The following TANGO6 variants were observed in gnomAD, a reference collection of about 807,000 sequenced individuals.
TANGO6 encodes transport and Golgi organization protein 6 homolog.
Under a neutral mutation model 114.2 loss-of-function variants are expected in TANGO6, and 90 were observed. That is an observed-to-expected ratio of 0.79 (90% CI 0.66 to 0.94). The LOEUF (loss-of-function observed/expected upper bound fraction) is 0.94, where lower values mean the gene tolerates loss of function less well. TANGO6 is among the 40% of genes least tolerant of loss of function. The pLI is 0.00. For missense variants in TANGO6, 1,274 were observed against 1,315.3 expected (o/e 0.97, Z 0.49); for synonymous variants, 477 against 509.8 (o/e 0.94, Z 0.87).
intron 17 of TANGO6, among the ~76,000 whole-genome samples, chr16:69,074,831 TG>T (rs1194261751): frequency 2.0e-5 from 3 of 150,704 alleles, no homozygotes; most frequent in Non-Finnish European, 4.4e-5. Context: ...TGTGTGTGTG[TG>T]TGTGTGTATA....
chr16:68,867,966 ACT>A (rs1962206118), intron 4 of TANGO6: 2 of 141,024 alleles, frequency 1.4e-5, no homozygotes, highest in Non-Finnish European at 3.0e-5. Context: ...ACATAGCAAG[ACT>A]CTGTTTCTAC....
intron 16 of TANGO6, among the ~76,000 whole-genome samples, chr16:69,025,646 C>T (rs1202560702): frequency 1.3e-5 from 2 of 152,152 alleles, no homozygotes; most frequent in African/African-American, 2.4e-5. Flanking sequence ...GCTTAGCTTT[C>T]GGGCTTTAAA....
chr16:69,022,441 C>T (rs1397694098), intron 15 of TANGO6, among the ~76,000 whole-genome samples: 1 of 152,138 alleles, frequency 6.6e-6, no homozygotes, highest in Non-Finnish European at 1.5e-5. Context: ...CGGTGACTCA[C>T]TCCTGTAATC....
intron 17 of TANGO6, among the ~76,000 whole-genome samples, chr16:69,072,149 G>T (rs1187960304): frequency 6.6e-6 from 1 of 151,324 alleles, no homozygotes; most frequent in Non-Finnish European, 1.5e-5. Flanking sequence ...GTGTGTGTGT[G>T]TGTGTCACAT....
intron 15 of TANGO6, among the ~76,000 whole-genome samples, 197 bp from the exon 16 acceptor site, chr16:69,022,631 G>A (rs568295555): frequency 8.5e-5 from 13 of 152,106 alleles, no homozygotes; most frequent in Middle Eastern, 3.4e-3. Flanking sequence ...CAGAGCCTGG[G>A]AGGTCAAGGC....
rs1962072202 is a variant in TANGO6 at position 68,860,314 on chromosome 16, T to A, written c.525T>A (p.Phe175Leu). The A allele has an allele frequency of 1.2e-6, 2 of 1,613,906 alleles. No homozygotes were observed. Among genetic ancestry groups the A allele is most frequent in the African/African-American group, 2.7e-5 (2 of 74,938 alleles). Residue 175 changes from phenylalanine (F) to leucine (L), a missense_variant, in exon 2 of 18, where the codon TTT becomes TTA. By Grantham distance (22) the Phe-to-Leu change is conservative. This residue lies in a region of TANGO6 where 908 missense variants were observed against 910.2 expected (regional missense o/e 1.00). Transcript: ENST00000261778. ...VGVPLRYRTE[F>L]GAVVQDVVCF... ...TCCCTTTGAGATATAGAACTGAATT[T>A]GGTGCCGTCGTTCAAGACGTGGTGT...
At chr16:68,929,050 C>T (rs1327993360) in intron 13 of TANGO6, among the ~76,000 whole-genome samples, 1 of 152,150 alleles carries the variant, frequency 6.6e-6, no homozygotes, top group Non-Finnish European at 1.5e-5. Flanking sequence ...TCCCAAGTAG[C>T]TGGGATTACA....
chr16:69,069,679 A>G (rs950612592), intron 17 of TANGO6, among the ~76,000 whole-genome samples: 2 of 151,978 alleles, frequency 1.3e-5, no homozygotes, highest in Admixed American at 6.6e-5. Context: ...TTATTTCTCA[A>G]CCACAAAGGG....
rs1179628552 is a variant in TANGO6, at chr16:69,063,808, CTTA to C, written c.3109-19642_3109-19640del. Reference sequence around the variant, plus strand: ...TCTTCTTCTTCTTCTTCTTCTTCTTCTTATTATTATTATTATTATTATTATTAT... The same window carrying C: ...TCTTCTTCTTCTTCTTCTTCTTCTTCTTATTATTATTATTATTATTATTAT... On this transcript the variant is annotated intron_variant, in intron 17 of 17. Coordinates refer to ENST00000261778, the MANE Select transcript of TANGO6 (RefSeq NM_024562.2). 8.2e-3 allele frequency among the ~76,000 whole-genome samples: 1,029 copies of C among 125,462 alleles called. 5 individuals carry two copies. The highest frequency in any genetic ancestry group is 0.019 in the East Asian group (82 of 4,422). 82.3% of individuals were successfully genotyped at this position (125,462 alleles called of 152,430 possible).
chr16:69,017,690 G>C (rs1435793503), intron 15 of TANGO6, among the ~76,000 whole-genome samples: 1 of 152,034 alleles, frequency 6.6e-6, no homozygotes, highest in Non-Finnish European at 1.5e-5. Context: ...AGGTCATCTT[G>C]TCTCACTGGC....
intron 15 of TANGO6, among the ~76,000 whole-genome samples, chr16:68,991,099 T>G (rs1380453073): frequency 2.0e-5 from 3 of 152,170 alleles, no homozygotes; most frequent in Non-Finnish European, 1.5e-5. Flanking sequence ...AATGAAGAAC[T>G]GAGACTTAAC....
At chr16:68,927,173 C>T (rs1334996444) in intron 12 of TANGO6, among the ~76,000 whole-genome samples, 1 of 152,092 alleles carries the variant, frequency 6.6e-6, no homozygotes, top group East Asian at 1.9e-4. Context: ...AGGGAGACTG[C>T]GTAGGGTATT....
chr16:68,915,314 T>G (rs1382274458), intron 11 of TANGO6, among the ~76,000 whole-genome samples: 1 of 152,168 alleles, frequency 6.6e-6, no homozygotes, highest in Non-Finnish European at 1.5e-5. Flanking sequence ...TTGCCCAGGC[T>G]GGAGTGCAAT....
At position 68,894,656 on chromosome 16, in the gene TANGO6, T is replaced by C. The variant is rs16958450; in HGVS notation, c.1378-5778T>C. 4.8e-3 allele frequency among the ~76,000 whole-genome samples: 734 copies of C among 152,152 alleles called. 6 individuals carry two copies. Among genetic ancestry groups the C allele is most frequent in the African/African-American group, 0.017 (703 of 41,520 alleles). On this transcript the variant is annotated intron_variant, in intron 7 of 17. Coordinates refer to ENST00000261778, the MANE Select transcript of TANGO6 (RefSeq NM_024562.2). ...AGGAACTGAAGCAATGAAAATCTCA[T>C]TATGCACAGGGGAAGGAGGTAAGTA... is the stretch of plus-strand genomic sequence containing the variant.
chr16:69,059,279 C>G (rs1960080565), intron 17 of TANGO6, among the ~76,000 whole-genome samples: 1 of 151,916 alleles, frequency 6.6e-6, no homozygotes, highest in South Asian at 2.1e-4. Flanking sequence ...ACCATATTGG[C>G]CAGGCTGGTC....
intron 15 of TANGO6, among the ~76,000 whole-genome samples, chr16:68,981,928 C>T (rs968842489): frequency 6.6e-6 from 1 of 152,196 alleles, no homozygotes; most frequent in Middle Eastern, 3.2e-3. Flanking sequence ...GCATTTCTGT[C>T]CCAAGTGTTT....
At chr16:68,966,225 T>TA (rs1195782930) in intron 14 of TANGO6, among the ~76,000 whole-genome samples, 5 of 146,258 alleles carry the variant, frequency 3.4e-5, no homozygotes, top group Non-Finnish European at 4.5e-5. Flanking sequence ...GACTCTGTCT[T>TA]AAAAAATAAA....
chr16:68,954,343 GA>G (rs1963505364), intron 14 of TANGO6, among the ~76,000 whole-genome samples: 1 of 151,798 alleles, frequency 6.6e-6, no homozygotes, highest in South Asian at 2.1e-4. Context: ...CAGGAGGCAA[GA>G]ACTGCATGAA....
chr16:68,937,919 C>T (rs905320250), intron 14 of TANGO6, among the ~76,000 whole-genome samples: 27 of 152,218 alleles, frequency 1.8e-4, no homozygotes, highest in Admixed American at 1.6e-3. Flanking sequence ...TTTGTGTGAA[C>T]GTATGTTTTC....
Sources: gnomAD v4.1 joint callset for allele counts (sites outside exome capture counted in the v4.1 genomes callset) on GRCh38, gnomAD v4.1.1 for gene constraint, gnomAD v4.1.1 regional missense constraint, MANE v1.5 for transcripts, NCBI Gene and HGNC (gene_info 2026-07-23, HGNC 2026-07-21) for gene names.